The following NECAB1 variants were observed in gnomAD, a reference collection of about 807,000 sequenced individuals.
The protein encoded by NECAB1 is N-terminal EF-hand calcium-binding protein 1.
NECAB1 carries 29 observed loss-of-function variants against 57.5 expected under a neutral mutation model. The observed-to-expected ratio is 0.50, with a 90% CI of 0.38 to 0.69. NECAB1 has a LOEUF of 0.69. NECAB1 is among the 30% of genes least tolerant of loss of function. NECAB1 has a pLI of 0.00. For synonymous variants in NECAB1, 142 were observed against 147.7 expected (o/e 0.96, Z 0.28); for missense variants, 372 against 413.8 (o/e 0.90, Z 0.88).
intron 2 of NECAB1, among the ~76,000 whole-genome samples, chr8:90,820,436 T>C (rs1812126272): frequency 6.6e-6 from 1 of 151,994 alleles, no homozygotes; most frequent in South Asian, 2.1e-4. Flanking sequence ...TTCTAAGGAT[T>C]CCATTATTAT....
intron 4 of NECAB1, among the ~76,000 whole-genome samples, chr8:90,879,946 T>C (rs985858562): frequency 3.9e-5 from 6 of 152,360 alleles, no homozygotes; most frequent in Middle Eastern, 3.4e-3. Context: ...CAGACTGTAT[T>C]TTGACAACCA....
At chr8:90,826,043 A>G (rs554190049) in intron 3 of NECAB1, among the ~76,000 whole-genome samples, 1 of 151,928 alleles carries the variant, frequency 6.6e-6, no homozygotes, top group Non-Finnish European at 1.5e-5. Flanking sequence ...TTTTAGCCCA[A>G]TTTTTTAGGC....
chr8:90,859,984 C>T (rs1334510275), intron 3 of NECAB1, among the ~76,000 whole-genome samples: 1 of 152,070 alleles, frequency 6.6e-6, no homozygotes, highest in East Asian at 1.9e-4. Context: ...TACAAGTGAG[C>T]CTCAGAGCAA....
intron 3 of NECAB1, among the ~76,000 whole-genome samples, chr8:90,855,377 C>T (rs1346494192): frequency 1.3e-5 from 2 of 152,152 alleles, no homozygotes; most frequent in African/African-American, 2.4e-5. Flanking sequence ...GTAAGGCATA[C>T]TCATTACACT....
At chr8:90,823,908 A>G (rs1224441997) in intron 2 of NECAB1, among the ~76,000 whole-genome samples, 1 of 151,690 alleles carries the variant, frequency 6.6e-6, no homozygotes, top group Non-Finnish European at 1.5e-5. Flanking sequence ...CTGCTGCTGC[A>G]TTTTGTACAA....
At chr8:90,808,018 C>CT (rs35178239) in intron 2 of NECAB1, among the ~76,000 whole-genome samples, 10 of 151,648 alleles carry the variant, frequency 6.6e-5, no homozygotes, top group South Asian at 2.1e-4. Flanking sequence ...CATAGTATGA[C>CT]TTTTTTTTTC....
rs142778452 is a variant in NECAB1, at chr8:90,885,592, G to A, written c.357+4462G>A. On this transcript the variant is annotated intron_variant, in intron 5 of 12. Transcript: ENST00000417640. The stretch of plus-strand genomic sequence containing the variant: ...CTTAGTAAGGAATGTTAGTCAAAAG[G>A]TAATATACACATTTCAAAAATGAGG... Among the ~76,000 whole-genome samples, 716 of 152,290 alleles carry A rather than the reference G, an allele frequency of 4.7e-3. 9 individuals are homozygous for A. Among genetic ancestry groups the A allele is most frequent in the African/African-American group, 0.016 (678 of 41,570 alleles).
At chr8:90,862,291 T>G (rs1401731581) in intron 3 of NECAB1, among the ~76,000 whole-genome samples, 1 of 152,102 alleles carries the variant, frequency 6.6e-6, no homozygotes, top group Non-Finnish European at 1.5e-5. Context: ...AAGACACACA[T>G]GAAACTGGAA....
intron 3 of NECAB1, among the ~76,000 whole-genome samples, chr8:90,840,188 G>C (rs1035928000): frequency 6.6e-6 from 1 of 152,184 alleles, no homozygotes; most frequent in Non-Finnish European, 1.5e-5. Context: ...AGTTAGACGT[G>C]ACTTGACTTC....
chr8:90,795,319 C>T (rs1811641902), intron 1 of NECAB1, among the ~76,000 whole-genome samples: 1 of 152,204 alleles, frequency 6.6e-6, no homozygotes, highest in Non-Finnish European at 1.5e-5. Flanking sequence ...CCCAATGCCA[C>T]TTTCCTTTCC....
chr8:90,958,941 AGTTATT>A lies in NECAB1; in HGVS notation c.*3433_*3438del. On this transcript the variant is annotated 3_prime_UTR_variant, in exon 13 of 13. Coordinates refer to ENST00000417640, the MANE Select transcript of NECAB1 (RefSeq NM_022351.5). ...AAATTGAATTGTCACAGTCCATTAC[AGTTATT>A]GTTGCTAGATCCACCTCATTTGCAG... The A allele has an allele frequency of 1.1e-6, 1 of 920,512 alleles. No individual in the cohort carries two copies. Among genetic ancestry groups the A allele is most frequent in the Non-Finnish European group, 1.6e-6 (1 of 616,072 alleles). The allele number at this position is 920,512 out of a possible 1,614,324, so 57.0% of individuals were successfully genotyped here.
At chr8:90,836,347 A>G (rs1253945670) in intron 3 of NECAB1, among the ~76,000 whole-genome samples, 2 of 152,210 alleles carry the variant, frequency 1.3e-5, no homozygotes, top group Non-Finnish European at 2.9e-5. Context: ...AGCTTTTAGC[A>G]GTTAAAATAT....
At chr8:90,806,103 A>G (rs10091562) in intron 2 of NECAB1, among the ~76,000 whole-genome samples, 57,886 of 152,164 alleles carry the variant, frequency 0.38, 12,293 homozygotes, top group East Asian at 0.81. Context: ...GAAAAGCTTC[A>G]TAGTAGTGAA....
chr8:90,849,125 C>A (rs112661161), intron 3 of NECAB1, among the ~76,000 whole-genome samples: 10 of 152,228 alleles, frequency 6.6e-5, no homozygotes, highest in African/African-American at 2.2e-4. Context: ...CACAGCTAAA[C>A]CATATCAGAC....
chr8:90,843,674 A>T (rs1260547773), intron 3 of NECAB1, among the ~76,000 whole-genome samples: 1 of 152,242 alleles, frequency 6.6e-6, no homozygotes, highest in East Asian at 1.9e-4. Flanking sequence ...TCGCTTAAAC[A>T]GATATTTATT....
chr8:90,886,514 TTCTC>T (rs566059325), intron 5 of NECAB1, among the ~76,000 whole-genome samples: 8 of 151,848 alleles, frequency 5.3e-5, no homozygotes, highest in Non-Finnish European at 1.2e-4. Context: ...GTCTTCTCTG[TTCTC>T]TCTCTCTCTT....
Position 90,847,335 on chromosome 8 carries a change from C to G in NECAB1, c.233+22510C>G, listed in dbSNP as rs151310468. ...GTCACGCTGATCCAAGAGGGGGTTT[C>G]CCATGGTCTTGGGCAGCTCTGCCCC... On this transcript the variant is annotated intron_variant, in intron 3 of 12. Transcript: ENST00000417640. Among the ~76,000 whole-genome samples the G allele has an allele frequency of 1.7e-3, 254 of 152,358 alleles. 4 individuals carry two copies. The highest frequency in any genetic ancestry group is 5.6e-3 in the African/African-American group (231 of 41,594).
At chr8:90,882,863 CAATT>C (rs1808874505) in intron 5 of NECAB1, among the ~76,000 whole-genome samples, 1 of 151,976 alleles carries the variant, frequency 6.6e-6, no homozygotes, top group South Asian at 2.1e-4. Context: ...TAGGACCTGA[CAATT>C]AAAATCATAC....
chr8:90,878,723 G>C (rs1331096182), intron 4 of NECAB1, among the ~76,000 whole-genome samples: 1 of 151,966 alleles, frequency 6.6e-6, no homozygotes, highest in Non-Finnish European at 1.5e-5. Context: ...ATGAAGTCTA[G>C]ATAGGTGTCA....
Sources: allele counts gnomAD v4.1 joint callset (sites outside exome capture counted in the v4.1 genomes callset), GRCh38; gene constraint gnomAD v4.1.1; transcripts MANE v1.5; gene names NCBI Gene and HGNC (gene_info 2026-07-23, HGNC 2026-07-21).